Variants in CDH13 observed in about 807,000 individuals in gnomAD.
CDH13 encodes cadherin-13.
CDH13 carries 24 observed loss-of-function variants against 63.8 expected under a neutral mutation model. The ratio of observed to expected loss-of-function variants is 0.38; its 90% CI spans 0.27 to 0.53. The LOEUF (loss-of-function observed/expected upper bound fraction) is 0.53, where lower values mean the gene tolerates loss of function less well. Among genes scored for constraint, CDH13 ranks in the 20% least tolerant of loss-of-function variants. The pLI is 0.85. For missense variants in CDH13, 1,049 were observed against 903.1 expected, an observed-to-expected ratio of 1.16 and a Z score of -2.07; for synonymous variants, 503 against 355.3, an observed-to-expected ratio of 1.42 and a Z score of -4.67.
At chr16:83,430,059 G>C (rs9937479) in intron 6 of CDH13, among the ~76,000 whole-genome samples, 86,595 of 151,982 alleles carry the variant, frequency 0.57, 25,071 homozygotes, top group East Asian at 0.62. Context: ...ATGGGACACA[G>C]TATGGAGTTT....
chr16:83,025,384 C>T (rs1336913001), intron 2 of CDH13, among the ~76,000 whole-genome samples: 2 of 152,064 alleles, frequency 1.3e-5, no homozygotes, highest in South Asian at 4.2e-4. Flanking sequence ...CTGGGGAGGC[C>T]TCAGGAAACT....
At chr16:82,882,624 C>G (rs1034987332) in intron 2 of CDH13, among the ~76,000 whole-genome samples, 1 of 152,008 alleles carries the variant, frequency 6.6e-6, no homozygotes, top group Admixed American at 6.6e-5. Context: ...TTCCTTCCTT[C>G]CCTCCCTTCC....
Position 83,531,749 on chromosome 16 carries a change from C to T in CDH13, c.960+45094C>T, listed in dbSNP as rs565613688. On this transcript the variant is annotated intron_variant, in intron 7 of 13. Coordinates refer to ENST00000567109, the MANE Select transcript of CDH13 (RefSeq NM_001257.5). ...AAAAGGCAAAATATACATTCTCTCC[C>T]GGAGCCTTTGGAAGCAGTGTGGCCC... Among the ~76,000 whole-genome samples the T allele has an allele frequency of 6.6e-5, 10 of 152,278 alleles. No individual in the cohort carries two copies. The South Asian group carries it at 1.7e-3, about 25-fold the overall frequency.
intron 3 of CDH13, among the ~76,000 whole-genome samples, chr16:83,066,564 A>G (rs986212267): frequency 6.6e-6 from 1 of 152,230 alleles, no homozygotes; most frequent in African/African-American, 2.4e-5. Flanking sequence ...TAATTTGCAA[A>G]GAGAAATGAT....
At chr16:83,570,810 A>T (rs914071421) in intron 7 of CDH13, among the ~76,000 whole-genome samples, 2 of 135,182 alleles carry the variant, frequency 1.5e-5, no homozygotes, top group African/African-American at 5.2e-5. Context: ...ATAAATATAT[A>T]TATTTATAAA....
chr16:83,486,505 T>TGATGCA lies in CDH13; in HGVS notation c.815_820dup (p.Ala272_Asp273dup). The TGATGCA allele has an allele frequency of 6.2e-7, 1 of 1,613,774 alleles. No individual in the cohort carries two copies. Among genetic ancestry groups the TGATGCA allele is most frequent in the Non-Finnish European group, 8.5e-7 (1 of 1,179,774 alleles). On this transcript the variant is annotated inframe_insertion, in exon 7 of 14. Coordinates refer to ENST00000567109, the MANE Select transcript of CDH13 (RefSeq NM_001257.5). The stretch of plus-strand genomic sequence containing the variant: ...CCACAGTGATGCGGATGACAGCCTT[T>TGATGCA]GATGCAGATGACCCAGCCACCGATA...
intron 7 of CDH13, among the ~76,000 whole-genome samples, chr16:83,540,091 A>T (rs2150647396): frequency 7.1e-6 from 1 of 141,488 alleles, no homozygotes. Flanking sequence ...TTTGAGATGG[A>T]GTCTCACTCT....
chr16:83,170,891 A>G (rs77054966), intron 4 of CDH13, among the ~76,000 whole-genome samples: 9,507 of 150,796 alleles, frequency 0.063, 530 homozygotes, highest in African/African-American at 0.14. Context: ...TCCAGCATCA[A>G]TGAAAATGAC....
At chr16:82,909,269 TG>T (rs2041749888) in intron 2 of CDH13, among the ~76,000 whole-genome samples, 1 of 149,114 alleles carries the variant, frequency 6.7e-6, no homozygotes, top group Admixed American at 6.6e-5. Flanking sequence ...TGTGTGTGTG[TG>T]TGTGTGTGTG....
chr16:83,715,372 C>A (rs556250213), intron 10 of CDH13, among the ~76,000 whole-genome samples: 1 of 152,288 alleles, frequency 6.6e-6, no homozygotes, highest in East Asian at 1.9e-4. Flanking sequence ...ACTGACCTTA[C>A]CCTGGCAGGT....
At chr16:82,663,247 C>T (rs148991492) in intron 1 of CDH13, among the ~76,000 whole-genome samples, 1,526 of 152,248 alleles carry the variant, frequency 0.01, 21 homozygotes, top group African/African-American at 0.035. Flanking sequence ...AGTGCAATGG[C>T]GCGATCTCGG....
At chr16:83,699,656 TACAC>T (rs71752138) in intron 10 of CDH13, among the ~76,000 whole-genome samples, 3,170 of 152,190 alleles carry the variant, frequency 0.021, 122 homozygotes, top group African/African-American at 0.073. Flanking sequence ...CACACGCACA[TACAC>T]ACACACTCAC....
chr16:82,710,775 A>C, intron 1 of CDH13, among the ~76,000 whole-genome samples: 1 of 147,934 alleles, frequency 6.8e-6, no homozygotes, highest in South Asian at 2.1e-4. Flanking sequence ...ATATAAAAGT[A>C]TATTTATATA....
intron 7 of CDH13, among the ~76,000 whole-genome samples, chr16:83,493,555 G>T (rs2074068321): frequency 1.3e-5 from 2 of 152,282 alleles, no homozygotes; most frequent in South Asian, 4.1e-4. Flanking sequence ...GGAAGCAGAA[G>T]GAAGGGCATC....
chr16:83,689,050 C>T (rs1904588634), intron 10 of CDH13, among the ~76,000 whole-genome samples: 2 of 152,106 alleles, frequency 1.3e-5, no homozygotes, highest in South Asian at 2.1e-4. Flanking sequence ...GGATGAAAGG[C>T]TATTTTACAA....
intron 2 of CDH13, chr16:82,884,294 G>A (rs1211591805): frequency 9.1e-6 from 4 of 438,860 alleles, no homozygotes; most frequent in East Asian, 7.0e-5. Context: ...GTCAGCAGAG[G>A]CATGCTATTG....
intron 8 of CDH13, among the ~76,000 whole-genome samples, chr16:83,660,999 T>C (rs906199030): frequency 7.9e-5 from 12 of 152,030 alleles, no homozygotes; most frequent in Admixed American, 3.9e-4. Context: ...AATATTTATT[T>C]AATCATTCCC....
intron 7 of CDH13, among the ~76,000 whole-genome samples, chr16:83,595,535 A>C (rs1458772140): frequency 4.6e-5 from 7 of 152,186 alleles, no homozygotes; most frequent in Non-Finnish European, 1.0e-4. Context: ...AAACCTAAAA[A>C]ATGGCTTATG....
intron 8 of CDH13, among the ~76,000 whole-genome samples, chr16:83,623,867 A>G (rs1017412502): frequency 1.3e-5 from 2 of 152,222 alleles, no homozygotes; most frequent in Non-Finnish European, 2.9e-5. Flanking sequence ...GCGGAAGCCT[A>G]AGACTAGAGG....
Sources: allele counts gnomAD v4.1 joint callset (sites outside exome capture counted in the v4.1 genomes callset), GRCh38; gene constraint gnomAD v4.1.1; transcripts MANE v1.5; gene names NCBI Gene and HGNC (gene_info 2026-07-23, HGNC 2026-07-21).